Variants in PACS1 observed in about 807,000 individuals in gnomAD.
PACS1 encodes the protein PACS-1.
In PACS1, 24 loss-of-function variants were observed where a neutral mutation model predicts 115.0. The observed-to-expected ratio is 0.21, with a 90% CI of 0.15 to 0.29. The LOEUF (loss-of-function observed/expected upper bound fraction) is 0.29. Ranked by LOEUF, PACS1 falls within the 10% of genes least tolerant of loss-of-function variation. The pLI is 1.00. For missense variants in PACS1, 838 were observed against 1,251.2 expected (o/e 0.67, Z 4.98); for synonymous variants, 453 against 504.5 (o/e 0.90, Z 1.37).
At chr11:66,204,278 G>A (rs1854882666) in intron 2 of PACS1, among the ~76,000 whole-genome samples, 1 of 152,166 alleles carries the variant, frequency 6.6e-6, no homozygotes, top group African/African-American at 2.4e-5. Context: ...TGGCAAACAG[G>A]CATATGAAAG....
At position 66,244,225 on chromosome 11, in the gene PACS1, C is replaced by T. The variant is rs1370504942; in HGVS notation, c.*945C>T. The T allele has an allele frequency of 6.6e-6, 1 of 152,426 alleles. No homozygotes were observed. Among genetic ancestry groups the T allele is most frequent in the African/African-American group, 2.4e-5 (1 of 41,430 alleles). 9.4% of individuals were successfully genotyped at this position (152,426 alleles called of 1,614,324 possible). Reference sequence around the variant, plus strand: ...TACATGCTGTCTGTGGCCCCTCAGACATTCTGTTTCATCTCCCATTCATCT... The same window carrying T: ...TACATGCTGTCTGTGGCCCCTCAGATATTCTGTTTCATCTCCCATTCATCT... On this transcript the variant is annotated 3_prime_UTR_variant, in exon 24 of 24. Transcript: ENST00000320580.
intron 14 of PACS1, 79 bp from the exon 15 acceptor site, chr11:66,232,881 G>A: frequency 9.2e-7 from 1 of 1,082,236 alleles, no homozygotes; most frequent in Non-Finnish European, 1.4e-6. Flanking sequence ...CTCGGTCTGG[G>A]TCTCACTTGC....
rs186809518 is a variant in PACS1, at chr11:66,190,511, C to A, written c.357-2975C>A. Among the ~76,000 whole-genome samples, 575 of 152,252 alleles carry A rather than the reference C, an allele frequency of 3.8e-3. 3 individuals carry two copies. The highest frequency in any genetic ancestry group is 0.013 in the African/African-American group (523 of 41,542). ...CGCAATCTTGGCTCACTGCAGCCTC[C>A]ACCTCCCGGGTTCAAGCGATTCTCC... On this transcript the variant is annotated intron_variant, in intron 1 of 23. Coordinates refer to ENST00000320580, the MANE Select transcript of PACS1 (RefSeq NM_018026.4).
At chr11:66,211,314 AC>A (rs1855065435) in intron 4 of PACS1, 55 bp downstream of exon 4, 1 of 1,592,832 alleles carries the variant, frequency 6.3e-7, no homozygotes. Context: ...AGCCCAAGGG[AC>A]ACCCCAGCCC....
At chr11:66,130,539 A>G (rs1464162688) in intron 1 of PACS1, among the ~76,000 whole-genome samples, 1 of 152,144 alleles carries the variant, frequency 6.6e-6, no homozygotes, top group Non-Finnish European at 1.5e-5. Flanking sequence ...TTTAATATGT[A>G]TCCTTGGATA....
In PACS1 at chr11:66,125,909, G is replaced by A. The variant is rs181975049; in HGVS notation, c.356+55067G>A. ...ACAAAAATTAGTCATGCATGGCGGCGCATGCCTGTAATCCCAGCTACTCGG... is the reference window on the plus strand; with the variant it reads ...ACAAAAATTAGTCATGCATGGCGGCACATGCCTGTAATCCCAGCTACTCGG... On this transcript the variant is annotated intron_variant, in intron 1 of 23. Coordinates refer to ENST00000320580, the MANE Select transcript of PACS1 (RefSeq NM_018026.4). 8.4e-3 allele frequency among the ~76,000 whole-genome samples: 1,271 copies of A among 151,990 alleles called. 11 individuals carry two copies. The highest frequency in any genetic ancestry group is 0.028 in the African/African-American group (1,168 of 41,440).
chr11:66,202,959 G>A (rs1854850992), intron 2 of PACS1, among the ~76,000 whole-genome samples: 1 of 151,540 alleles, frequency 6.6e-6, no homozygotes, highest in African/African-American at 2.4e-5. Context: ...AACAAGACAA[G>A]GATCATCACT....
intron 22 of PACS1, 130 bp from the exon 23 acceptor site, chr11:66,242,782 G>GGGTTGGTTT: frequency 8.0e-7 from 1 of 1,242,930 alleles, no homozygotes; most frequent in South Asian, 1.4e-5. Context: ...ACAGCCCAGT[G>GGGTTGGTTT]CCAGGGAGGA....
intron 1 of PACS1, among the ~76,000 whole-genome samples, chr11:66,158,780 T>C (rs995355110): frequency 4.6e-5 from 7 of 152,106 alleles, no homozygotes; most frequent in African/African-American, 1.4e-4. Context: ...CATCTGACTA[T>C]TGGAGTTCTA....
At chr11:66,220,965 T>A (rs555023307) in intron 9 of PACS1, among the ~76,000 whole-genome samples, 174 bp downstream of exon 9, 13 of 152,256 alleles carry the variant, frequency 8.5e-5, no homozygotes, top group African/African-American at 3.1e-4. Flanking sequence ...ACAGAAGTCC[T>A]ATAGGACTCT....
intron 1 of PACS1, among the ~76,000 whole-genome samples, chr11:66,095,550 T>C (rs2134519323): frequency 6.6e-6 from 1 of 152,282 alleles, no homozygotes; most frequent in African/African-American, 2.4e-5. Context: ...CTCAATCTCC[T>C]GGATTCAAGT....
At chr11:66,086,890 T>TA (rs1274865462) in intron 1 of PACS1, among the ~76,000 whole-genome samples, 2 of 152,218 alleles carry the variant, frequency 1.3e-5, no homozygotes, top group Non-Finnish European at 2.9e-5. Context: ...GTGCTGGGAT[T>TA]ACAGGCGTGG....
rs2298466 is a variant in PACS1, at chr11:66,243,809, T to C, written c.*529T>C. 0.25 allele frequency: 38,909 copies of C among 154,142 alleles called. 5,067 individuals are homozygous for C. The highest frequency in any genetic ancestry group is 0.3 in the African/African-American group (12,603 of 41,506). 9.5% of individuals were successfully genotyped at this position (154,142 alleles called of 1,614,324 possible). On this transcript the variant is annotated 3_prime_UTR_variant, in exon 24 of 24. Coordinates refer to ENST00000320580, the MANE Select transcript of PACS1 (RefSeq NM_018026.4). Reference sequence around the variant, plus strand: ...GGTTCTCCACCTGCCCCAGAGCTTCTCAAGGGAGGGTAAGGGGGCACCCTG... The same window carrying C: ...GGTTCTCCACCTGCCCCAGAGCTTCCCAAGGGAGGGTAAGGGGGCACCCTG...
At chr11:66,179,393 A>G (rs1446003384) in intron 1 of PACS1, among the ~76,000 whole-genome samples, 1 of 152,176 alleles carries the variant, frequency 6.6e-6, no homozygotes, top group Non-Finnish European at 1.5e-5. Context: ...GTTTAAGATT[A>G]AGAATATTGT....
chr11:66,083,162 C>G (rs1857516977), intron 1 of PACS1, among the ~76,000 whole-genome samples: 1 of 152,014 alleles, frequency 6.6e-6, no homozygotes, highest in South Asian at 2.1e-4. Context: ...ACTGCTTTTG[C>G]TGTGGATGAA....
At chr11:66,224,895 A>G (rs1855441166) in intron 10 of PACS1, among the ~76,000 whole-genome samples, 1 of 152,020 alleles carries the variant, frequency 6.6e-6, no homozygotes, top group Non-Finnish European at 1.5e-5. Context: ...ATTTTTCTTA[A>G]TCTTGCTTTT....
chr11:66,230,827 C>T lies in PACS1; in HGVS notation c.1513C>T (p.Pro505Ser), dbSNP rs139139012. ...CAGCAAAGTGGAGGGGGTGCACACA[C>T]CCCGGCAGAAGAGGAGCACGCCCCT... ...SPSKVEGVHT[P>S]RQKRSTPLKE... Residue 505 changes from proline (P) to serine (S), a missense_variant, in exon 13 of 24, where the codon CCC (proline) becomes TCC (serine). Coordinates refer to ENST00000320580, the MANE Select transcript of PACS1 (RefSeq NM_018026.4). 5.6e-6 allele frequency: 9 copies of T among 1,614,148 alleles called. No homozygotes were observed. Among genetic ancestry groups the T allele is most frequent in the Non-Finnish European group, 6.8e-6 (8 of 1,179,990 alleles).
At chr11:66,127,812 T>C (rs2134571947) in intron 1 of PACS1, among the ~76,000 whole-genome samples, 1 of 152,316 alleles carries the variant, frequency 6.6e-6, no homozygotes, top group East Asian at 1.9e-4. Flanking sequence ...GAAAAGATGG[T>C]ATTTTTCAAA....
chr11:66,237,703 G>A (rs1473870687), intron 19 of PACS1, among the ~76,000 whole-genome samples: 1 of 152,134 alleles, frequency 6.6e-6, no homozygotes. Flanking sequence ...CTCAGGCCTC[G>A]CAACCGAGAG....
Sources: gnomAD v4.1 joint callset for allele counts (sites outside exome capture counted in the v4.1 genomes callset) on GRCh38, gnomAD v4.1.1 for gene constraint, MANE v1.5 for transcripts, NCBI Gene and HGNC (gene_info 2026-07-23, HGNC 2026-07-21) for gene names.